The following LAPTM4B variants were observed in gnomAD, a reference collection of about 807,000 sequenced individuals.
LAPTM4B encodes the protein lysosomal protein transmembrane 4 beta.
In LAPTM4B, 26 loss-of-function variants were observed where a neutral mutation model predicts 28.5. That is an observed-to-expected ratio of 0.91 (90% CI 0.67 to 1.27). The LOEUF (loss-of-function observed/expected upper bound fraction) is 1.27. Ranked by LOEUF, LAPTM4B falls within the 50% of genes most tolerant of loss-of-function variation. The pLI is 0.00. For synonymous variants in LAPTM4B, 109 were observed against 106.4 expected (o/e 1.02, Z -0.15); for missense variants, 288 against 285.8 (o/e 1.01, Z -0.06).
chr8:97,852,702 G>C lies in LAPTM4B; in HGVS notation c.*1228G>C, dbSNP rs201359312. On this transcript the variant is annotated 3_prime_UTR_variant, in exon 7 of 7. Transcript: ENST00000521545. ...CAGCCTAAGGAGTAGGCTTTTTTTTGGGGGGGGGAGGTCGGGTGGGGGGGA... is the reference window on the plus strand; with the variant it reads ...CAGCCTAAGGAGTAGGCTTTTTTTTCGGGGGGGGAGGTCGGGTGGGGGGGA... The C allele has an allele frequency of 9.1e-6, 1 of 109,554 alleles. No individual in the cohort carries two copies. Among genetic ancestry groups the C allele is most frequent in the Non-Finnish European group, 1.7e-5 (1 of 60,376 alleles). 6.8% of individuals were successfully genotyped at this position (109,554 alleles called of 1,614,324 possible).
At chr8:97,844,865 C>T (rs1405305137) in intron 6 of LAPTM4B, among the ~76,000 whole-genome samples, 1 of 152,142 alleles carries the variant, frequency 6.6e-6, no homozygotes, top group Non-Finnish European at 1.5e-5. Flanking sequence ...TGATGACTGA[C>T]TTCCTCTTTC....
rs1817191787 is a variant in LAPTM4B, at chr8:97,832,165, A to AT, written c.603+7017dup. On this transcript the variant is annotated intron_variant, in intron 6 of 6. Transcript: ENST00000521545. ...TACTAGCTTTTTGGAGAAAACTTCT[A>AT]TTTTTCCCCTTTGAAAGACACAAAG... is the stretch of plus-strand genomic sequence containing the variant. Among the ~76,000 whole-genome samples, 3 of 152,110 alleles carry AT rather than the reference A, an allele frequency of 2.0e-5. No individual in the cohort carries two copies. The South Asian group carries it at 6.2e-4, about 31-fold the overall frequency.
chr8:97,799,872 G>C (rs2129758275), intron 1 of LAPTM4B, among the ~76,000 whole-genome samples: 1 of 152,198 alleles, frequency 6.6e-6, no homozygotes. Context: ...TGAACTTGCT[G>C]TCTTGAGGAG....
chr8:97,813,976 G>A (rs74826313), intron 2 of LAPTM4B, among the ~76,000 whole-genome samples: 4,421 of 152,174 alleles, frequency 0.029, 214 homozygotes, highest in African/African-American at 0.1. Context: ...TATTGAGTAG[G>A]TATAAAAGAA....
At chr8:97,786,765 T>C (rs1484827979) in intron 1 of LAPTM4B, among the ~76,000 whole-genome samples, 3 of 151,648 alleles carry the variant, frequency 2.0e-5, no homozygotes, top group Non-Finnish European at 2.9e-5. Flanking sequence ...GGTTCCATGG[T>C]GCAGAGATGG....
chr8:97,785,038 A>G (rs1205636209), intron 1 of LAPTM4B, among the ~76,000 whole-genome samples: 1 of 152,092 alleles, frequency 6.6e-6, no homozygotes, highest in African/African-American at 2.4e-5. Context: ...TCTATAGAAC[A>G]TTGGTTGGTG....
At chr8:97,844,099 G>A (rs1030866930) in intron 6 of LAPTM4B, among the ~76,000 whole-genome samples, 4 of 151,682 alleles carry the variant, frequency 2.6e-5, no homozygotes, top group African/African-American at 9.7e-5. Flanking sequence ...TGGGGGTGGG[G>A]GGAGCAGGAT....
At chr8:97,778,290 T>C (rs1157684752) in intron 1 of LAPTM4B, among the ~76,000 whole-genome samples, 3 of 152,110 alleles carry the variant, frequency 2.0e-5, no homozygotes, top group African/African-American at 7.2e-5. Flanking sequence ...CACAAGGCAA[T>C]GTAAGCCTTT....
intron 1 of LAPTM4B, among the ~76,000 whole-genome samples, chr8:97,799,532 T>C (rs1373409497): frequency 6.6e-6 from 1 of 152,220 alleles, no homozygotes; most frequent in African/African-American, 2.4e-5. Flanking sequence ...CTGAGCACGG[T>C]GACTGCATTT....
At position 97,775,948 on chromosome 8, in the gene LAPTM4B, A is replaced by AGGCGAGGCGGGCTCCC. The variant is rs1563596534; in HGVS notation, c.-52_-51insGCTCCCGGCGAGGCGG. On this transcript the variant is annotated 5_prime_UTR_variant, in exon 1 of 7. Transcript: ENST00000521545. ...CGGCAGCAGCGGCGCGGCGGGCTCCAGGCGAGGCGGTCGACGCTCCTGAAA... is the reference window on the plus strand; with the variant it reads ...CGGCAGCAGCGGCGCGGCGGGCTCCAGGCGAGGCGGGCTCCCGGCGAGGCGGTCGACGCTCCTGAAA... 6.7e-7 allele frequency: 1 copy of AGGCGAGGCGGGCTCCC among 1,498,986 alleles called. No homozygotes were observed. The highest frequency in any genetic ancestry group is 1.3e-5 in the South Asian group (1 of 77,894). The allele number at this position is 1,498,986 out of a possible 1,614,324, so 92.9% of individuals were successfully genotyped here.
chr8:97,823,309 G>C (rs1817037024), intron 5 of LAPTM4B, among the ~76,000 whole-genome samples: 1 of 151,758 alleles, frequency 6.6e-6, no homozygotes, highest in African/African-American at 2.4e-5. Context: ...GCCTATTCTG[G>C]GCATTCCATG....
chr8:97,838,835 A>G (rs1817301062), intron 6 of LAPTM4B, among the ~76,000 whole-genome samples: 1 of 151,802 alleles, frequency 6.6e-6, no homozygotes, highest in African/African-American at 2.4e-5. Context: ...CTTTTCACAC[A>G]GTGGAAGGGA....
At chr8:97,790,273 T>G (rs1450733723) in intron 1 of LAPTM4B, among the ~76,000 whole-genome samples, 1 of 152,116 alleles carries the variant, frequency 6.6e-6, no homozygotes, top group Admixed American at 6.6e-5. Flanking sequence ...TATTTTTAGT[T>G]TTTTGAGGAA....
intron 1 of LAPTM4B, among the ~76,000 whole-genome samples, chr8:97,777,123 C>CT (rs1816231403): frequency 7.8e-6 from 1 of 128,096 alleles, no homozygotes; most frequent in African/African-American, 2.9e-5. Flanking sequence ...GCATATATAA[C>CT]TTTTTTCAGT....
chr8:97,782,032 G>A (rs1455251108), intron 1 of LAPTM4B, among the ~76,000 whole-genome samples: 3 of 150,664 alleles, frequency 2.0e-5, no homozygotes, highest in Admixed American at 6.6e-5. Context: ...CCAGGCTGGA[G>A]TGCAATGGTG....
chr8:97,851,197 C>G (rs909069199), intron 6 of LAPTM4B, among the ~76,000 whole-genome samples, 200 bp from the exon 7 acceptor site: 1 of 152,208 alleles, frequency 6.6e-6, no homozygotes, highest in African/African-American at 2.4e-5. Flanking sequence ...TAGAAAAACT[C>G]AAGGCTTGAG....
intron 6 of LAPTM4B, among the ~76,000 whole-genome samples, chr8:97,838,521 G>A (rs1586344399): frequency 6.6e-6 from 1 of 152,296 alleles, no homozygotes; most frequent in Middle Eastern, 3.4e-3. Flanking sequence ...TTGCAAAAGA[G>A]GAAACTGAGG....
At chr8:97,783,091 T>TTTAA (rs1491341251) in intron 1 of LAPTM4B, among the ~76,000 whole-genome samples, 1 of 136,076 alleles carries the variant, frequency 7.3e-6, no homozygotes, top group Non-Finnish European at 1.6e-5. Flanking sequence ...TTTTTTTTTT[T>TTTAA]AAATATCCTT....
chr8:97,816,833 G>A (rs988661141), intron 4 of LAPTM4B, among the ~76,000 whole-genome samples: 2 of 152,124 alleles, frequency 1.3e-5, no homozygotes, highest in African/African-American at 2.4e-5. Flanking sequence ...CTAGCCACTC[G>A]GGAGGCTGAG....
Sources: gnomAD v4.1 joint callset for allele counts (sites outside exome capture counted in the v4.1 genomes callset) on GRCh38, gnomAD v4.1.1 for gene constraint, MANE v1.5 for transcripts, NCBI Gene and HGNC (gene_info 2026-07-23, HGNC 2026-07-21) for gene names.